The following SBF1 variants were observed in gnomAD, a reference collection of about 807,000 sequenced individuals.
SBF1 encodes the protein myotubularin-related protein 5.
SBF1 carries 65 observed loss-of-function variants against 215.8 expected under a neutral mutation model. That is an observed-to-expected ratio of 0.30 (90% CI 0.25 to 0.37). The LOEUF (loss-of-function observed/expected upper bound fraction) is 0.37, where lower values mean the gene tolerates loss of function less well. Ranked by LOEUF, SBF1 falls within the 10% of genes least tolerant of loss-of-function variation. The probability of loss-of-function intolerance (pLI) is 1.00; values close to 1 mark genes in which losing one functional copy is unlikely to be tolerated. For missense variants in SBF1, 2,634 were observed against 2,667.8 expected (o/e 0.99, Z 0.28); for synonymous variants, 1,410 against 1,122.8 (o/e 1.26, Z -5.11).
chr22:50,467,304 G>T, intron 5 of SBF1, 34 bp downstream of exon 5: 2 of 1,564,770 alleles, frequency 1.3e-6, no homozygotes, highest in South Asian at 1.1e-5. Flanking sequence ...GAGGGCCTGT[G>T]GCTGTGCAGA....
intron 40 of SBF1, 39 bp from the exon 41 acceptor site, chr22:50,447,279 C>T (rs1289696850): frequency 6.2e-7 from 1 of 1,613,294 alleles, no homozygotes; most frequent in Non-Finnish European, 8.5e-7. Flanking sequence ...AGCCCCCACA[C>T]CGCAGAGCCC....
chr22:50,474,955 T>G lies in SBF1; in HGVS notation c.-115A>C. ...CTGGACCGCGCACCCCGGACACCCC[T>G]GGTTCGCTCCGCGGCGGCGGCGGCG... On this transcript the variant is annotated 5_prime_UTR_variant, in exon 1 of 41. Coordinates refer to ENST00000380817, the MANE Select transcript of SBF1 (RefSeq NM_002972.4). 1 of 638,596 alleles carries G rather than the reference T, an allele frequency of 1.6e-6. No homozygotes were observed. Among genetic ancestry groups the G allele is most frequent in the Non-Finnish European group, 2.0e-6 (1 of 488,486 alleles). The allele number at this position is 638,596 out of a possible 1,614,324, so 39.6% of individuals were successfully genotyped here. A position where few individuals can be genotyped will look rare whatever the true frequency, so the allele number is the denominator to read the frequency against.
chr22:50,470,771 A>G (rs563910024), intron 1 of SBF1, among the ~76,000 whole-genome samples: 2 of 152,294 alleles, frequency 1.3e-5, no homozygotes, highest in Non-Finnish European at 2.9e-5. Context: ...CCCAACAAGC[A>G]AACAGGTTCC....
intron 29 of SBF1, 71 bp from the exon 30 acceptor site, chr22:50,456,744 G>A (rs1312235916): frequency 1.5e-5 from 20 of 1,337,306 alleles, no homozygotes; most frequent in East Asian, 2.6e-5. Flanking sequence ...GGCTGGGCCC[G>A]GCCTCCAGGG....
At chr22:50,460,250 G>A (rs766465244) in intron 25 of SBF1, 22 bp downstream of exon 25, 5 of 1,601,942 alleles carry the variant, frequency 3.1e-6, no homozygotes, top group Non-Finnish European at 4.3e-6. Flanking sequence ...GACCACCCAG[G>A]ACTCCACCCC....
chr22:50,454,639 C>A lies in SBF1; in HGVS notation c.4916G>T (p.Gly1639Val). Reference sequence around the variant, plus strand: ...TTCTTCCTCTGGGGGTTCAGGGGGCCCCTGGGCCAGTTCCCAGTCATAGGG... The same window carrying A: ...TTCTTCCTCTGGGGGTTCAGGGGGCACCTGGGCCAGTTCCCAGTCATAGGG... The part of the protein sequence containing the change: ...GPPYDWELAQ[G>V]PPEPPEEERS... Residue 1639 changes from glycine to valine, a missense_variant, in exon 36 of 41, where the codon GGG becomes GTG. By Grantham distance (109) the Gly-to-Val change is moderately radical. Transcript: ENST00000380817. 2 of 1,598,234 alleles carry A rather than the reference C, an allele frequency of 1.3e-6. No homozygotes were observed. The highest frequency in any genetic ancestry group is 1.7e-6 in the Non-Finnish European group (2 of 1,171,990).
At chr22:50,448,826 G>A (rs1267571906) in intron 36 of SBF1, among the ~76,000 whole-genome samples, 176 bp from the exon 37 acceptor site, 1 of 152,200 alleles carries the variant, frequency 6.6e-6, no homozygotes, top group South Asian at 2.1e-4. Context: ...AATATTCGGA[G>A]ACAACAGTTG....
Position 50,452,193 on chromosome 22 carries a change from G to A in SBF1, c.5043+2319C>T, listed in dbSNP as rs2067073992. 2.8e-5 allele frequency among the ~76,000 whole-genome samples: 4 copies of A among 145,394 alleles called. No homozygotes were observed. In the South Asian group the frequency reaches 8.9e-4, roughly 32 times the overall value. On this transcript the variant is annotated intron_variant, in intron 36 of 40. Coordinates refer to ENST00000380817, the MANE Select transcript of SBF1 (RefSeq NM_002972.4). Reference sequence around the variant, plus strand: ...CTGTCAACCTAGAAATGCATATCCAGAGAAAATGCCCTTTGCAAAATAAAG... The same window carrying A: ...CTGTCAACCTAGAAATGCATATCCAAAGAAAATGCCCTTTGCAAAATAAAG...
chr22:50,448,254 T>C lies in SBF1; in HGVS notation c.5342A>G (p.Gln1781Arg). The part of the protein sequence containing the change: ...RSTSTLYSQF[Q>R]TAESENRSYE... Reference sequence around the variant, plus strand: ...ATACCTGTTCTCACTCTCTGCTGTCTGGAACTGGCTGTACAGGGTGCTGGT... The same window carrying C: ...ATACCTGTTCTCACTCTCTGCTGTCCGGAACTGGCTGTACAGGGTGCTGGT... Residue 1781 changes from glutamine (Q) to arginine (R), a missense_variant, in exon 38 of 41, where the codon CAG becomes CGG. Physicochemically the swap from Gln to Arg is conservative, Grantham distance 43. Coordinates refer to ENST00000380817, the MANE Select transcript of SBF1 (RefSeq NM_002972.4). 2 of 1,612,684 alleles carry C rather than the reference T, an allele frequency of 1.2e-6. No homozygotes were observed. The highest frequency in any genetic ancestry group is 1.7e-6 in the Non-Finnish European group (2 of 1,179,936).
intron 23 of SBF1, 117 bp downstream of exon 23, chr22:50,461,042 G>GT (rs1326004323): frequency 8.2e-6 from 11 of 1,341,506 alleles, no homozygotes; most frequent in Admixed American, 2.6e-5. Flanking sequence ...ACATGCAAGC[G>GT]TAACAACAGG....
At chr22:50,449,625 AACACACACACAC>A (rs59541336) in intron 36 of SBF1, among the ~76,000 whole-genome samples, 8 of 146,958 alleles carry the variant, frequency 5.4e-5, no homozygotes, top group East Asian at 2.0e-4. Context: ...AAAACACACA[AACACACACACAC>A]ACACACACAC....
chr22:50,474,957 G>A lies in SBF1; in HGVS notation c.-117C>T. On this transcript the variant is annotated 5_prime_UTR_variant, in exon 1 of 41. Transcript: ENST00000380817. ...GGACCGCGCACCCCGGACACCCCTGGTTCGCTCCGCGGCGGCGGCGGCGGC... is the reference window on the plus strand; with the variant it reads ...GGACCGCGCACCCCGGACACCCCTGATTCGCTCCGCGGCGGCGGCGGCGGC... The A allele has an allele frequency of 1.6e-6, 1 of 620,742 alleles. No individual in the cohort carries two copies. Among genetic ancestry groups the A allele is most frequent in the Admixed American group, 5.7e-5 (1 of 17,422 alleles). 38.5% of individuals were successfully genotyped at this position (620,742 alleles called of 1,614,324 possible). A position where few individuals can be genotyped will look rare whatever the true frequency, so the allele number is the denominator to read the frequency against.
At chr22:50,464,505 G>C in intron 14 of SBF1, 29 bp downstream of exon 14, 1 of 1,603,430 alleles carries the variant, frequency 6.2e-7, no homozygotes, top group Non-Finnish European at 8.5e-7. Flanking sequence ...CCACGCTCGG[G>C]GCCTGCCTTC....
In SBF1 at chr22:50,445,058, A is replaced by T. The variant is rs1424165832; in HGVS notation, c.*2084T>A. The T allele has an allele frequency of 6.6e-6, 1 of 152,666 alleles. No individual in the cohort carries two copies. The allele number at this position is 152,666 out of a possible 1,614,324, so 9.5% of individuals were successfully genotyped here. A position where few individuals can be genotyped will look rare whatever the true frequency, so the allele number is the denominator to read the frequency against. On this transcript the variant is annotated 3_prime_UTR_variant, in exon 41 of 41. Transcript: ENST00000380817. ...ACCTGACAGGGCACCCCAAACCCCC[A>T]ACTCCCAATAAAAGCCGTGACGTTC... is the stretch of plus-strand genomic sequence containing the variant.
intron 1 of SBF1, among the ~76,000 whole-genome samples, chr22:50,469,655 G>T (rs1358499517): frequency 1.3e-5 from 2 of 152,174 alleles, no homozygotes; most frequent in Non-Finnish European, 1.5e-5. Context: ...GTCTGGACGG[G>T]CCTCTACACC....
In SBF1 at chr22:50,460,345, G is replaced by A. The variant is rs1046563779; in HGVS notation, c.3210C>T (p.Arg1070=). Residue 1070 remains arginine (R), a synonymous_variant, in exon 25 of 41, where the codon CGC becomes CGT. Transcript: ENST00000380817. ...KKTIGRQHVT[R]KKYNPPSWEH... is the part of the protein sequence containing the mutation. ...CCCAGCTGGGGGGGTTGTACTTCTTGCGAGTGACATGCTGCCGCCCGATGG... is the reference window on the plus strand; with the variant it reads ...CCCAGCTGGGGGGGTTGTACTTCTTACGAGTGACATGCTGCCGCCCGATGG... The A allele has an allele frequency of 6.2e-7, 1 of 1,613,656 alleles. No homozygotes were observed. The highest frequency in any genetic ancestry group is 8.5e-7 in the Non-Finnish European group (1 of 1,179,696).
rs1239195801 is a variant in SBF1 at position 50,460,376 on chromosome 22, T to C, written c.3179A>G (p.Lys1060Arg). Residue 1060 changes from lysine to arginine, a missense_variant, in exon 25 of 41, where the codon AAG becomes AGG. By Grantham distance (26) the Lys-to-Arg change is conservative (BLOSUM62 2). Coordinates refer to ENST00000380817, the MANE Select transcript of SBF1 (RefSeq NM_002972.4). ...GACATGCTGCCGCCCGATGGTCTTC[T>C]TGGCGTTCTTGACCAGGTTCCGGGA... is the stretch of plus-strand genomic sequence containing the variant. ...TLSRNLVKNA[K>R]KTIGRQHVTR... is the part of the protein sequence containing the mutation. 6.2e-7 allele frequency: 1 copy of C among 1,613,226 alleles called. No individual in the cohort carries two copies. Among genetic ancestry groups the C allele is most frequent in the South Asian group, 1.1e-5 (1 of 90,976 alleles).
rs749360631 is a variant in SBF1, at chr22:50,462,708, G to A, written c.1978C>T (p.Pro660Ser). ...LVTAFCRKLS[P>S]GVTQFAYSCV... ...CTGTATGCAAACTGCGTCACCCCCG[G>A]GCTCAGCTTCTGCAGGAGCCAGGGG... The change falls in exon 18 of 41, where the codon CCG becomes TCG. Residue 660 changes from proline (P) to serine (S), a missense_variant. Transcript: ENST00000380817. 5.0e-6 allele frequency: 8 copies of A among 1,611,540 alleles called. No homozygotes were observed. The Admixed American group carries it at 1.0e-4, about 20-fold the overall frequency.
In SBF1 at chr22:50,445,017, T is replaced by TTTTA. The variant is rs1451250406; in HGVS notation, c.*2121_*2124dup. On this transcript the variant is annotated 3_prime_UTR_variant, in exon 41 of 41. Coordinates refer to ENST00000380817, the MANE Select transcript of SBF1 (RefSeq NM_002972.4). ...GAAGATTATTTTACGTTGAGTCCAT[T>TTTTA]TTTAATGTTCTGATCACCTGACAGG... is the stretch of plus-strand genomic sequence containing the variant. 6.6e-6 allele frequency: 1 copy of TTTTA among 152,576 alleles called. No homozygotes were observed. Among genetic ancestry groups the TTTTA allele is most frequent in the Admixed American group, 6.5e-5 (1 of 15,270 alleles). The allele number at this position is 152,576 out of a possible 1,614,324, so 9.5% of individuals were successfully genotyped here.
Sources: allele counts gnomAD v4.1 joint callset (sites outside exome capture counted in the v4.1 genomes callset), GRCh38; gene constraint gnomAD v4.1.1; transcripts MANE v1.5; gene names NCBI Gene and HGNC (gene_info 2026-07-23, HGNC 2026-07-21).